Variants in LYN observed in about 807,000 individuals in gnomAD.
LYN encodes tyrosine-protein kinase Lyn.
In LYN, 12 loss-of-function variants were observed where a neutral mutation model predicts 65.0. That is an observed-to-expected ratio of 0.18 (90% CI 0.12 to 0.30). LYN has a LOEUF of 0.30. LYN is among the 10% of genes least tolerant of loss of function. LYN has a pLI of 1.00. For missense variants in LYN, 380 were observed against 623.2 expected, an observed-to-expected ratio of 0.61 and a Z score of 4.16; for synonymous variants, 222 against 221.2, an observed-to-expected ratio of 1.00 and a Z score of -0.03.
chr8:55,896,100 A>AT lies in LYN; in HGVS notation c.-6+15999dup, dbSNP rs199851768. ...TAAGCATCTCGTTAGGGGTAAAGCA[A>AT]TTAAAAAAAAAAAACAAGTTTTAGC... On this transcript the variant is annotated intron_variant, in intron 1 of 12. Transcript: ENST00000519728. Among the ~76,000 whole-genome samples, 103 of 151,156 alleles carry AT rather than the reference A, an allele frequency of 6.8e-4. 3 individuals carry two copies. The East Asian group carries it at 0.013, about 19-fold the overall frequency.
chr8:55,959,538 T>C (rs1023351249), intron 8 of LYN, among the ~76,000 whole-genome samples: 5 of 152,338 alleles, frequency 3.3e-5, no homozygotes, highest in African/African-American at 9.6e-5. Context: ...GCAAAGGCTA[T>C]ACAGCAGAGG....
At chr8:55,884,304 C>T (rs1372297738) in intron 1 of LYN, among the ~76,000 whole-genome samples, 1 of 152,158 alleles carries the variant, frequency 6.6e-6, no homozygotes. Flanking sequence ...GGGGTTTCAT[C>T]ATGTTGGCCA....
At chr8:55,890,606 G>A (rs138191921) in intron 1 of LYN, among the ~76,000 whole-genome samples, 1 of 152,220 alleles carries the variant, frequency 6.6e-6, no homozygotes, top group African/African-American at 2.4e-5. Context: ...AACTGAATGT[G>A]GGGTCTCAGA....
At chr8:55,891,379 A>G (rs1192340588) in intron 1 of LYN, among the ~76,000 whole-genome samples, 2 of 152,222 alleles carry the variant, frequency 1.3e-5, no homozygotes, top group African/African-American at 2.4e-5. Flanking sequence ...AAATGCTGAC[A>G]CATGATACAA....
At chr8:55,951,183 C>T (rs1009316448) in intron 6 of LYN, among the ~76,000 whole-genome samples, 1 of 151,764 alleles carries the variant, frequency 6.6e-6, no homozygotes, top group East Asian at 1.9e-4. Context: ...AGGGAGGCTG[C>T]AGTGAGCCGT....
intron 10 of LYN, among the ~76,000 whole-genome samples, chr8:55,986,187 C>CCG (rs934882369): frequency 3.3e-5 from 5 of 150,124 alleles, no homozygotes; most frequent in Non-Finnish European, 5.9e-5. Context: ...CACCAGAATC[C>CCG]CCCCCGCAAA....
chr8:55,894,134 G>T (rs999222003), intron 1 of LYN: 8 of 152,198 alleles, frequency 5.3e-5, no homozygotes, highest in African/African-American at 1.9e-4. Flanking sequence ...TACCCCAAGA[G>T]ATCATGCTGA....
In LYN at chr8:56,009,989, A is replaced by G; in HGVS notation, c.1418A>G (p.Tyr473Cys). ...PRVENCPDEL[Y>C]DIMKMCWKEK... ...GTGGAGAACTGCCCAGATGAGCTCT[A>G]TGACATTATGAAAATGTGCTGGAAA... The change falls in exon 13 of 13, where the codon TAT becomes TGT. Residue 473 changes from tyrosine (Y) to cysteine (C), a missense_variant. Physicochemically the swap from Tyr to Cys is radical, Grantham distance 194. Transcript: ENST00000519728. 1.2e-6 allele frequency: 2 copies of G among 1,614,112 alleles called. No individual in the cohort carries two copies. Among genetic ancestry groups the G allele is most frequent in the Non-Finnish European group, 1.7e-6 (2 of 1,179,976 alleles).
chr8:55,951,969 G>A lies in LYN; in HGVS notation c.491G>A (p.Ser164Asn), dbSNP rs2130494858. 1.2e-6 allele frequency: 2 copies of A among 1,610,098 alleles called. No individual in the cohort carries two copies. The highest frequency in any genetic ancestry group is 1.7e-5 in the Admixed American group (1 of 58,780). Residue 164 changes from serine (S) to asparagine (N), a missense_variant, in exon 7 of 13, where the codon AGC becomes AAC. Transcript: ENST00000519728. ...LIRESETLKG[S>N]FSLSVRDFDP... ...ACTTACACTTTTCCCCCCATAGGAA[G>A]CTTCTCTCTGTCTGTCAGAGACTTT...
intron 9 of LYN, among the ~76,000 whole-genome samples, chr8:55,968,436 T>A (rs1362219304): frequency 6.6e-6 from 1 of 152,140 alleles, no homozygotes; most frequent in Non-Finnish European, 1.5e-5. Flanking sequence ...TTGTATTTTT[T>A]AGTAGAGACA....
chr8:56,001,797 G>A (rs76884513), intron 12 of LYN, among the ~76,000 whole-genome samples: 1,552 of 152,136 alleles, frequency 0.01, 27 homozygotes, highest in African/African-American at 0.036. Flanking sequence ...ATAAAAGAAT[G>A]TTTTGTGATA....
At chr8:55,952,248 A>G (rs900710486) in intron 7 of LYN, 133 bp downstream of exon 7, 2 of 700,394 alleles carry the variant, frequency 2.9e-6, no homozygotes, top group East Asian at 3.1e-5. Context: ...GTCATATTCT[A>G]TAAGTGGTTC....
chr8:55,999,033 T>C (rs1277722310), intron 11 of LYN, among the ~76,000 whole-genome samples: 2 of 152,130 alleles, frequency 1.3e-5, no homozygotes, highest in Non-Finnish European at 2.9e-5. Flanking sequence ...CTGTGGCACA[T>C]TGTCAGGGGG....
intron 1 of LYN, among the ~76,000 whole-genome samples, chr8:55,928,016 T>C (rs890789839): frequency 6.6e-6 from 1 of 152,202 alleles, no homozygotes; most frequent in Non-Finnish European, 1.5e-5. Context: ...GGTTGGGTCA[T>C]TTTATGTTCC....
At chr8:55,925,337 C>T (rs2130441030) in intron 1 of LYN, among the ~76,000 whole-genome samples, 1 of 152,248 alleles carries the variant, frequency 6.6e-6, no homozygotes, top group East Asian at 1.9e-4. Flanking sequence ...GTTGCCCAGG[C>T]TGGTCTCGTA....
In LYN at chr8:55,998,470, T is replaced by C; in HGVS notation, c.1175T>C (p.Ile392Thr). 1 of 1,613,930 alleles carries C rather than the reference T, an allele frequency of 6.2e-7. No homozygotes were observed. Among genetic ancestry groups the C allele is most frequent in the Non-Finnish European group, 8.5e-7 (1 of 1,179,802 alleles). The change falls in exon 11 of 13, where the codon ATT becomes ACT. Residue 392 changes from isoleucine to threonine, a missense_variant. Physicochemically the swap from Ile to Thr is moderately conservative, Grantham distance 89 (BLOSUM62 -1). Around this residue, in one of 2 missense-constraint regions of LYN, gnomAD observed 223 missense variants for 430.0 expected, o/e 0.52. Transcript: ENST00000519728. ...GCAGATTTTGGCCTTGCTAGAGTAATTGAAGATAATGAGTACACAGCAAGG... is the reference window on the plus strand; with the variant it reads ...GCAGATTTTGGCCTTGCTAGAGTAACTGAAGATAATGAGTACACAGCAAGG... ...KIADFGLARV[I>T]EDNEYTAREG...
At chr8:56,002,678 A>G (rs1808552922) in intron 12 of LYN, among the ~76,000 whole-genome samples, 1 of 152,006 alleles carries the variant, frequency 6.6e-6, no homozygotes, top group Non-Finnish European at 1.5e-5. Context: ...CAGTAGAAAA[A>G]TGGTGAGAAT....
chr8:55,890,421 A>G (rs1296555387), intron 1 of LYN, among the ~76,000 whole-genome samples: 1 of 152,192 alleles, frequency 6.6e-6, no homozygotes, highest in Non-Finnish European at 1.5e-5. Context: ...AACAACAAAA[A>G]TCAGAAAATA....
intron 2 of LYN, among the ~76,000 whole-genome samples, chr8:55,945,620 A>G (rs193006985): frequency 6.6e-6 from 1 of 152,358 alleles, no homozygotes; most frequent in East Asian, 1.9e-4. Flanking sequence ...TCTATCTTAC[A>G]AGAGGCCCAG....
Sources: allele counts gnomAD v4.1 joint callset (sites outside exome capture counted in the v4.1 genomes callset), GRCh38; gene constraint gnomAD v4.1.1; regional missense constraint gnomAD v4.1.1; transcripts MANE v1.5; gene names NCBI Gene and HGNC (gene_info 2026-07-23, HGNC 2026-07-21).